Variants in ABLIM2 observed in about 807,000 individuals in gnomAD.
The protein encoded by ABLIM2 is actin-binding LIM protein 2.
A neutral mutation model predicts 97.7 loss-of-function variants in ABLIM2; 53 were observed. The observed-to-expected ratio is 0.54, with a 90% CI of 0.44 to 0.68. ABLIM2 has a LOEUF of 0.68. Among genes scored for constraint, ABLIM2 ranks in the 30% least tolerant of loss-of-function variants. The pLI is 0.00. For synonymous variants in ABLIM2, 361 were observed against 345.8 expected, an observed-to-expected ratio of 1.04 and a Z score of -0.49; for missense variants, 835 against 867.2, an observed-to-expected ratio of 0.96 and a Z score of 0.47.
Position 7,992,977 on chromosome 4 carries a change from A to G in ABLIM2, c.1619-50T>C. The stretch of plus-strand genomic sequence containing the variant: ...GTCACGCGCGCAGACTCGGTGCAGC[A>G]ATGGGGGTGCAGCCCTGGGGGGGCT... On this transcript the variant is annotated intron_variant, in intron 16 of 20. Transcript: ENST00000447017. This position sits in a 1 kb window ranked among gnomAD's most constrained non-coding sequence, Gnocchi z 5.7. The G allele has an allele frequency of 6.3e-7, 1 of 1,588,998 alleles. No individual in the cohort carries two copies. Among genetic ancestry groups the G allele is most frequent in the East Asian group, 2.2e-5 (1 of 44,586 alleles).
Position 8,112,146 on chromosome 4 carries a change from G to A in ABLIM2, c.11-5509C>T, listed in dbSNP as rs772613880. Among the ~76,000 whole-genome samples, 3 of 152,072 alleles carry A rather than the reference G, an allele frequency of 2.0e-5. No individual in the cohort carries two copies. The highest frequency in any genetic ancestry group is 1.3e-4 in the Admixed American group (2 of 15,264). ...AACCCCAGCCTTGGGAAGCCCCACC[G>A]GGAATAACAAAAATGATTGCTGGTG... On this transcript the variant is annotated intron_variant, in intron 1 of 20. Transcript: ENST00000447017. The surrounding 1 kb of genome is among the most constrained non-coding windows in gnomAD (Gnocchi z 4.2).
chr4:8,057,625 C>A (rs1462587707), intron 7 of ABLIM2, among the ~76,000 whole-genome samples: 1 of 152,102 alleles, frequency 6.6e-6, no homozygotes, highest in Non-Finnish European at 1.5e-5. Context: ...TATCTTTTCA[C>A]CCCAGTGGGA....
intron 16 of ABLIM2, among the ~76,000 whole-genome samples, chr4:8,000,973 C>T (rs143741561): frequency 7.9e-5 from 12 of 152,266 alleles, no homozygotes; most frequent in Middle Eastern, 3.4e-3. Flanking sequence ...GCTCACACAG[C>T]GTCCGGGTCT....
chr4:7,990,977 G>A (rs1277738625), intron 17 of ABLIM2, among the ~76,000 whole-genome samples: 3 of 152,212 alleles, frequency 2.0e-5, no homozygotes, highest in African/African-American at 7.2e-5. Context: ...GATGAGTTCT[G>A]CGCATATCAG....
Position 8,124,507 on chromosome 4 carries a change from T to G in ABLIM2, c.11-17870A>C, listed in dbSNP as rs1042410245. Among the ~76,000 whole-genome samples, 5 of 152,228 alleles carry G rather than the reference T, an allele frequency of 3.3e-5. No individual in the cohort carries two copies. Among genetic ancestry groups the G allele is most frequent in the Admixed American group, 6.5e-5 (1 of 15,288 alleles). ...ATTTCATGCGAACGGAATCCCACACTGCGTGGTCCTTCGCGACTGGCTTCT... is the reference window on the plus strand; with the variant it reads ...ATTTCATGCGAACGGAATCCCACACGGCGTGGTCCTTCGCGACTGGCTTCT... On this transcript the variant is annotated intron_variant, in intron 1 of 20. Transcript: ENST00000447017. This position sits in a 1 kb window ranked among gnomAD's most constrained non-coding sequence, Gnocchi z 6.1.
intron 14 of ABLIM2, chr4:8,010,599 A>G (rs1246606159): frequency 2.0e-6 from 2 of 981,980 alleles, no homozygotes; most frequent in African/African-American, 3.5e-5. Flanking sequence ...CGTTCCGAAT[A>G]CACTAACATC....
rs1487939599 is a variant in ABLIM2 at position 8,128,049 on chromosome 4, G to A, written c.11-21412C>T. On this transcript the variant is annotated intron_variant, in intron 1 of 20. Coordinates refer to ENST00000447017, the MANE Select transcript of ABLIM2 (RefSeq NM_001130083.2). This position sits in a 1 kb window ranked among gnomAD's most constrained non-coding sequence, Gnocchi z 4.9. ...GGGGCCAGAAGTCTGACATGAAGGTGCCAGCAGGACCCTGCTCTTCACAGG... is the reference window on the plus strand; with the variant it reads ...GGGGCCAGAAGTCTGACATGAAGGTACCAGCAGGACCCTGCTCTTCACAGG... Among the ~76,000 whole-genome samples the A allele has an allele frequency of 2.6e-5, 4 of 152,170 alleles. No homozygotes were observed. Among genetic ancestry groups the A allele is most frequent in the Non-Finnish European group, 5.9e-5 (4 of 68,030 alleles).
At chr4:7,981,639 CAACA>C (rs996024066) in intron 20 of ABLIM2, among the ~76,000 whole-genome samples, 1 of 152,176 alleles carries the variant, frequency 6.6e-6, no homozygotes, top group Non-Finnish European at 1.5e-5. Flanking sequence ...CTACCATTTG[CAACA>C]AACAGGTCAA....
intron 2 of ABLIM2, among the ~76,000 whole-genome samples, chr4:8,103,778 C>G (rs753231942): frequency 6.6e-6 from 1 of 152,216 alleles, no homozygotes; most frequent in Non-Finnish European, 1.5e-5. Context: ...GCAGTTTCCG[C>G]CAGCTATGAG....
intron 20 of ABLIM2, among the ~76,000 whole-genome samples, chr4:7,981,775 A>G (rs1738655135): frequency 6.6e-6 from 1 of 152,178 alleles, no homozygotes; most frequent in Non-Finnish European, 1.5e-5. Flanking sequence ...TCGTCTGCAG[A>G]GCAGCTTGGT....
At chr4:8,051,439 C>A (rs1357237508) in intron 8 of ABLIM2, among the ~76,000 whole-genome samples, 1 of 151,532 alleles carries the variant, frequency 6.6e-6, no homozygotes, top group African/African-American at 2.4e-5. Context: ...TGGCTGTAGT[C>A]CCAGCTACTT....
chr4:8,047,176 T>C (rs947034884), intron 8 of ABLIM2, among the ~76,000 whole-genome samples: 1 of 152,152 alleles, frequency 6.6e-6, no homozygotes, highest in African/African-American at 2.4e-5. Context: ...GGGTGGCGCC[T>C]GGGCAACCCT....
chr4:8,071,766 T>G lies in ABLIM2; in HGVS notation c.675+5862A>C. On this transcript the variant is annotated intron_variant, in intron 6 of 20. Coordinates refer to ENST00000447017, the MANE Select transcript of ABLIM2 (RefSeq NM_001130083.2). This position sits in a 1 kb window ranked among gnomAD's most constrained non-coding sequence, Gnocchi z 6.2. ...CCTTGGAGTTGCGGGCCAGGTTTCC[T>G]ACCTGCACAGCTTCTGGGCACCAGA... 1.0e-6 allele frequency: 1 copy of G among 979,958 alleles called. No individual in the cohort carries two copies. The highest frequency in any genetic ancestry group is 1.2e-6 in the Non-Finnish European group (1 of 828,424). The allele number at this position is 979,958 out of a possible 1,614,324, so 60.7% of individuals were successfully genotyped here.
chr4:8,097,482 T>A (rs1279269439), intron 2 of ABLIM2, among the ~76,000 whole-genome samples, 200 bp from the exon 3 acceptor site: 1 of 152,138 alleles, frequency 6.6e-6, no homozygotes, highest in Non-Finnish European at 1.5e-5. Context: ...CCTGGCCTGG[T>A]GGTGAGTGGA....
intron 17 of ABLIM2, among the ~76,000 whole-genome samples, chr4:7,990,962 G>A (rs1034173396): frequency 1.3e-5 from 2 of 152,166 alleles, no homozygotes; most frequent in Admixed American, 6.5e-5. Flanking sequence ...GAATCTCCAC[G>A]TGATGATGAG....
chr4:8,117,354 A>G (rs1394455617), intron 1 of ABLIM2, among the ~76,000 whole-genome samples: 3 of 152,114 alleles, frequency 2.0e-5, no homozygotes, highest in Non-Finnish European at 4.4e-5. Context: ...GCCCCTGCCC[A>G]CTGCAAGTCA....
chr4:8,048,053 C>T (rs981918080), intron 8 of ABLIM2, among the ~76,000 whole-genome samples: 10 of 152,202 alleles, frequency 6.6e-5, no homozygotes, highest in Middle Eastern at 3.2e-3. Flanking sequence ...GGTTTCAGCA[C>T]GGGGCCAGGG....
chr4:8,017,631 T>C (rs1770405214), intron 14 of ABLIM2, among the ~76,000 whole-genome samples: 1 of 152,138 alleles, frequency 6.6e-6, no homozygotes, highest in African/African-American at 2.4e-5. Flanking sequence ...GGTCCTTGCT[T>C]AGGGTTTAAT....
rs75617568 is a variant in ABLIM2, at chr4:8,083,319, G to A, written c.455-2517C>T. Among the ~76,000 whole-genome samples, 10 of 152,312 alleles carry A rather than the reference G, an allele frequency of 6.6e-5. No homozygotes were observed. The highest frequency in any genetic ancestry group is 1.9e-4 in the East Asian group (1 of 5,178). Reference sequence around the variant, plus strand: ...CCTGGAATGAGGGCACGTGTGATCCGTGAATAAATGCACACACGTTGACCG... The same window carrying A: ...CCTGGAATGAGGGCACGTGTGATCCATGAATAAATGCACACACGTTGACCG... On this transcript the variant is annotated intron_variant, in intron 4 of 20. Coordinates refer to ENST00000447017, the MANE Select transcript of ABLIM2 (RefSeq NM_001130083.2). The surrounding 1 kb of genome is among the most constrained non-coding windows in gnomAD (Gnocchi z 4.6).
Sources: gnomAD v4.1 joint callset for allele counts (sites outside exome capture counted in the v4.1 genomes callset) on GRCh38, gnomAD v4.1.1 for gene constraint, Gnocchi (gnomAD v3.1) non-coding constraint, MANE v1.5 for transcripts, NCBI Gene and HGNC (gene_info 2026-07-23, HGNC 2026-07-21) for gene names.